Variants in STX8 observed in about 807,000 individuals in gnomAD.
The protein encoded by STX8 is syntaxin 8, also known as syntaxin-8.
A neutral mutation model predicts 37.5 loss-of-function variants in STX8; 23 were observed. The observed-to-expected ratio is 0.61, with a 90% CI of 0.44 to 0.87. The LOEUF is 0.87. Ranked by LOEUF, STX8 falls within the 40% of genes least tolerant of loss-of-function variation. The probability of loss-of-function intolerance (pLI) is 0.00; values close to 1 mark genes in which losing one functional copy is unlikely to be tolerated. For synonymous variants in STX8, 115 were observed against 99.1 expected (o/e 1.16, Z -0.95); for missense variants, 313 against 284.7 (o/e 1.10, Z -0.71).
chr17:9,456,828 A>G (rs1291989538), intron 6 of STX8, among the ~76,000 whole-genome samples: 1 of 152,188 alleles, frequency 6.6e-6, no homozygotes, highest in African/African-American at 2.4e-5. Flanking sequence ...AAAAAGTTCT[A>G]AGTTATTACA....
chr17:9,389,183 C>G (rs1402627316), intron 6 of STX8, among the ~76,000 whole-genome samples: 1 of 152,212 alleles, frequency 6.6e-6, no homozygotes, highest in Non-Finnish European at 1.5e-5. Context: ...TTCCACTTGT[C>G]AGTTATGACC....
intron 4 of STX8, 97 bp downstream of exon 4, chr17:9,545,075 T>C: frequency 2.8e-6 from 2 of 715,540 alleles, no homozygotes; most frequent in Non-Finnish European, 4.8e-6. Flanking sequence ...GAATAGATTT[T>C]GATTAATTCC....
intron 6 of STX8, among the ~76,000 whole-genome samples, chr17:9,397,345 G>A (rs1453651212): frequency 1.3e-5 from 2 of 152,186 alleles, no homozygotes; most frequent in Non-Finnish European, 2.9e-5. Context: ...GCAGTAAGCC[G>A]AGATCGTGCC....
At chr17:9,341,088 T>C (rs1250403158) in intron 7 of STX8, among the ~76,000 whole-genome samples, 1 of 151,150 alleles carries the variant, frequency 6.6e-6, no homozygotes, top group African/African-American at 2.4e-5. Flanking sequence ...CTCTAGTAGA[T>C]ACCACCTTTA....
At chr17:9,361,660 C>T (rs1911067725) in intron 7 of STX8, among the ~76,000 whole-genome samples, 1 of 152,140 alleles carries the variant, frequency 6.6e-6, no homozygotes, top group South Asian at 2.1e-4. Context: ...TTGTTTAGTT[C>T]CATTCAACTT....
At chr17:9,550,452 T>A (rs1906717484) in intron 3 of STX8, among the ~76,000 whole-genome samples, 1 of 151,400 alleles carries the variant, frequency 6.6e-6, no homozygotes, top group Non-Finnish European at 1.5e-5. Context: ...GGATCCCCTG[T>A]AGTCCCAGCT....
At chr17:9,380,816 C>T (rs1314152953) in intron 6 of STX8, among the ~76,000 whole-genome samples, 7 of 147,860 alleles carry the variant, frequency 4.7e-5, no homozygotes, top group African/African-American at 1.7e-4. Flanking sequence ...CAAGTTCAAG[C>T]GATTCTTCCG....
intron 6 of STX8, among the ~76,000 whole-genome samples, chr17:9,380,348 G>T (rs1024268551): frequency 6.7e-6 from 1 of 149,462 alleles, no homozygotes; most frequent in African/African-American, 2.5e-5. Flanking sequence ...AGTCTTCAAG[G>T]CTCTAGCAAT....
intron 6 of STX8, among the ~76,000 whole-genome samples, chr17:9,380,368 T>C (rs1221192237): frequency 6.7e-6 from 1 of 148,304 alleles, no homozygotes; most frequent in East Asian, 2.1e-4. Flanking sequence ...TCCTCCCATC[T>C]CAACCTCCTG....
chr17:9,350,752 C>T (rs948203905), intron 7 of STX8, among the ~76,000 whole-genome samples: 1 of 152,158 alleles, frequency 6.6e-6, no homozygotes, highest in African/African-American at 2.4e-5. Flanking sequence ...AGGCTGGTCT[C>T]GAATGCCTGA....
At chr17:9,424,847 T>G (rs945833738) in intron 6 of STX8, among the ~76,000 whole-genome samples, 1 of 152,224 alleles carries the variant, frequency 6.6e-6, no homozygotes, top group Middle Eastern at 3.2e-3. Flanking sequence ...TGCAAAGATA[T>G]GACAGTCCCC....
rs147000484 is a variant in STX8, at chr17:9,561,201, A to G, written c.118-3673T>C. Among the ~76,000 whole-genome samples, 414 of 152,336 alleles carry G rather than the reference A, an allele frequency of 2.7e-3. 2 individuals carry two copies. The highest frequency in any genetic ancestry group is 9.5e-3 in the African/African-American group (396 of 41,576). Reference sequence around the variant, plus strand: ...AGCATGATATCCCCTCCCCCGTTAGAAAAGATCACCAACAAACATGCTGAT... The same window carrying G: ...AGCATGATATCCCCTCCCCCGTTAGGAAAGATCACCAACAAACATGCTGAT... On this transcript the variant is annotated intron_variant, in intron 2 of 7. Coordinates refer to ENST00000306357, the MANE Select transcript of STX8 (RefSeq NM_004853.3).
intron 6 of STX8, among the ~76,000 whole-genome samples, chr17:9,469,568 T>G (rs1202021966): frequency 1.3e-5 from 2 of 152,218 alleles, no homozygotes; most frequent in Non-Finnish European, 2.9e-5. Context: ...GAGCCCATCC[T>G]AAATATATCT....
At chr17:9,451,756 T>C (rs1460043841) in intron 6 of STX8, among the ~76,000 whole-genome samples, 1 of 151,226 alleles carries the variant, frequency 6.6e-6, no homozygotes. Flanking sequence ...GCAATTTAAA[T>C]ATATTCATAT....
intron 7 of STX8, among the ~76,000 whole-genome samples, chr17:9,333,512 C>A (rs1043928859): frequency 6.6e-6 from 1 of 152,090 alleles, no homozygotes; most frequent in Non-Finnish European, 1.5e-5. Context: ...CTCAGCCTCC[C>A]GAGTAGCTGG....
chr17:9,559,739 T>TATATATATAC (rs1555537471), intron 2 of STX8, among the ~76,000 whole-genome samples: 9 of 13,470 alleles, frequency 6.7e-4, no homozygotes, highest in African/African-American at 1.8e-3. Flanking sequence ...TTATTTTATA[T>TATATATATAC]ATATATATAT....
chr17:9,425,503 T>C (rs1354719076), intron 6 of STX8, among the ~76,000 whole-genome samples: 4 of 152,150 alleles, frequency 2.6e-5, no homozygotes, highest in Non-Finnish European at 4.4e-5. Context: ...CACTTAATAA[T>C]TGCACTTAAT....
intron 6 of STX8, among the ~76,000 whole-genome samples, chr17:9,379,102 G>A (rs191500537): frequency 5.5e-4 from 84 of 152,008 alleles, no homozygotes; most frequent in Middle Eastern, 6.8e-3. Context: ...AAAATTAGCC[G>A]GGTGTGGTGG....
chr17:9,314,832 G>A (rs1263785271), intron 7 of STX8, among the ~76,000 whole-genome samples: 2 of 151,136 alleles, frequency 1.3e-5, no homozygotes, highest in Non-Finnish European at 2.9e-5. Context: ...GGCTGGGCAC[G>A]GTGGCTTACA....
Sources: gnomAD v4.1 joint callset for allele counts (sites outside exome capture counted in the v4.1 genomes callset) on GRCh38, gnomAD v4.1.1 for gene constraint, MANE v1.5 for transcripts, NCBI Gene and HGNC (gene_info 2026-07-23, HGNC 2026-07-21) for gene names.